Variants in SMYD3 observed in about 807,000 individuals in gnomAD.
The protein encoded by SMYD3 is histone-lysine N-methyltransferase SMYD3.
In SMYD3, 36 loss-of-function variants were observed where a neutral mutation model predicts 57.7. That is an observed-to-expected ratio of 0.62 (90% CI 0.48 to 0.82). The LOEUF is 0.82. Among genes scored for constraint, SMYD3 ranks in the 40% least tolerant of loss-of-function variants. SMYD3 has a pLI of 0.00. For missense variants in SMYD3, 515 were observed against 538.8 expected (o/e 0.96, Z 0.44); for synonymous variants, 211 against 195.0 (o/e 1.08, Z -0.68).
chr1:246,409,624 T>C (rs2066928141), intron 1 of SMYD3, among the ~76,000 whole-genome samples: 2 of 152,196 alleles, frequency 1.3e-5, no homozygotes, highest in African/African-American at 4.8e-5. Flanking sequence ...CCTCCAGCTT[T>C]GTTCTTTTGG....
At chr1:246,243,907 GAAT>G (rs2063658298) in intron 5 of SMYD3, among the ~76,000 whole-genome samples, 1 of 141,282 alleles carries the variant, frequency 7.1e-6, no homozygotes. Flanking sequence ...TTTAAAAAAT[GAAT>G]AAAAGCCAAC....
intron 1 of SMYD3, among the ~76,000 whole-genome samples, chr1:246,414,705 G>T (rs367920220): frequency 6.2e-4 from 85 of 136,126 alleles, no homozygotes; most frequent in African/African-American, 2.1e-3. Flanking sequence ...GCCAGTTTTG[G>T]TTTTTTTGCT....
intron 5 of SMYD3, among the ~76,000 whole-genome samples, chr1:246,120,637 G>A (rs1456382944): frequency 1.3e-5 from 2 of 152,072 alleles, no homozygotes; most frequent in Non-Finnish European, 2.9e-5. Context: ...TCAGCACTTG[G>A]CATAATGCGT....
intron 1 of SMYD3, among the ~76,000 whole-genome samples, chr1:246,481,982 C>A (rs1040184073): frequency 2.0e-5 from 3 of 151,818 alleles, no homozygotes; most frequent in Admixed American, 6.6e-5. Flanking sequence ...CATAATGAGA[C>A]CCTTTCTCTA....
At chr1:245,774,463 A>G (rs925592320) in intron 10 of SMYD3, among the ~76,000 whole-genome samples, 35 of 152,206 alleles carry the variant, frequency 2.3e-4, no homozygotes, top group Admixed American at 3.9e-4. Flanking sequence ...CTAGAATTCT[A>G]CATCCCAAAA....
chr1:245,988,140 A>G (rs994884679), intron 5 of SMYD3, among the ~76,000 whole-genome samples: 1 of 140,100 alleles, frequency 7.1e-6, no homozygotes, highest in Non-Finnish European at 1.6e-5. Context: ...ACACACACAC[A>G]CCGCCACCCA....
At chr1:245,822,429 G>C (rs1447880002) in intron 10 of SMYD3, among the ~76,000 whole-genome samples, 2 of 150,326 alleles carry the variant, frequency 1.3e-5, no homozygotes, top group Non-Finnish European at 3.0e-5. Context: ...GATAGCACTG[G>C]GAGATATACC....
intron 2 of SMYD3, among the ~76,000 whole-genome samples, chr1:246,345,022 A>G (rs2065690037): frequency 6.6e-6 from 1 of 152,162 alleles, no homozygotes; most frequent in African/African-American, 2.4e-5. Flanking sequence ...AGAGGTCTCA[A>G]ATATTTTCTC....
Position 246,310,359 on chromosome 1 carries a change from T to C in SMYD3, c.531+16842A>G, listed in dbSNP as rs571027022. ...TTCATTTTCAGCAGCCATTCAATCC[T>C]GATGGACTGGAGCTTTTAGCTCTTC... On this transcript the variant is annotated intron_variant, in intron 5 of 11. Coordinates refer to ENST00000490107, the MANE Select transcript of SMYD3 (RefSeq NM_001167740.2). 1.1e-4 allele frequency among the ~76,000 whole-genome samples: 16 copies of C among 152,338 alleles called. No individual in the cohort carries two copies. The South Asian group carries it at 2.5e-3, about 24-fold the overall frequency.
chr1:246,424,364 TAATA>T (rs1434832057), intron 1 of SMYD3, among the ~76,000 whole-genome samples: 1 of 151,784 alleles, frequency 6.6e-6, no homozygotes, highest in African/African-American at 2.4e-5. Flanking sequence ...AATGGAATAT[TAATA>T]AATACTCAAA....
chr1:246,136,811 T>C (rs934165253), intron 5 of SMYD3, among the ~76,000 whole-genome samples: 1 of 152,196 alleles, frequency 6.6e-6, no homozygotes, highest in African/African-American at 2.4e-5. Flanking sequence ...CAGTCCTAAA[T>C]GTCATGTAAT....
At chr1:246,027,601 T>G (rs956200937) in intron 5 of SMYD3, among the ~76,000 whole-genome samples, 4 of 152,208 alleles carry the variant, frequency 2.6e-5, no homozygotes, top group Non-Finnish European at 4.4e-5. Flanking sequence ...TTACTGAATA[T>G]CTGAAGTCCA....
intron 5 of SMYD3, among the ~76,000 whole-genome samples, chr1:245,982,491 C>T (rs1184020703): frequency 6.6e-6 from 1 of 152,156 alleles, no homozygotes; most frequent in Non-Finnish European, 1.5e-5. Flanking sequence ...GTGAAACAAT[C>T]AAAATGTCAG....
intron 7 of SMYD3, among the ~76,000 whole-genome samples, chr1:245,920,219 A>G (rs1423018999): frequency 1.3e-5 from 2 of 150,156 alleles, no homozygotes; most frequent in Admixed American, 6.7e-5. Context: ...AGGCAGAGGC[A>G]GGAGGATGGC....
chr1:246,103,572 T>G (rs967715848), intron 5 of SMYD3, among the ~76,000 whole-genome samples: 1 of 152,184 alleles, frequency 6.6e-6, no homozygotes, highest in Non-Finnish European at 1.5e-5. Flanking sequence ...ACTGCTATAG[T>G]TGAGGTCGTT....
At chr1:245,866,813 C>A (rs1375915292) in intron 8 of SMYD3, among the ~76,000 whole-genome samples, 2 of 152,182 alleles carry the variant, frequency 1.3e-5, no homozygotes, top group African/African-American at 4.8e-5. Context: ...CTAAAGATCA[C>A]CTCCCTCTCC....
intron 5 of SMYD3, among the ~76,000 whole-genome samples, chr1:246,195,798 A>G (rs2062823094): frequency 6.6e-6 from 1 of 152,186 alleles, no homozygotes; most frequent in African/African-American, 2.4e-5. Context: ...GGGTTCTTAC[A>G]TATAGCTCAA....
chr1:246,249,111 T>C (rs984619272), intron 5 of SMYD3, among the ~76,000 whole-genome samples: 2 of 152,028 alleles, frequency 1.3e-5, no homozygotes, highest in Non-Finnish European at 2.9e-5. Flanking sequence ...CATTGCTTTT[T>C]GTTTCTTCAT....
At chr1:246,463,339 C>T (rs1177444947) in intron 1 of SMYD3, among the ~76,000 whole-genome samples, 1 of 152,010 alleles carries the variant, frequency 6.6e-6, no homozygotes, top group Admixed American at 6.5e-5. Flanking sequence ...AGTTATTAGG[C>T]TAACAGGTCA....
Sources: gnomAD v4.1 joint callset for allele counts (sites outside exome capture counted in the v4.1 genomes callset) on GRCh38, gnomAD v4.1.1 for gene constraint, MANE v1.5 for transcripts, NCBI Gene and HGNC (gene_info 2026-07-23, HGNC 2026-07-21) for gene names.